Variants in SHANK2 observed in about 807,000 individuals in gnomAD.
The protein encoded by SHANK2 is SH3 and multiple ankyrin repeat domains 2.
Under a neutral mutation model 133.7 loss-of-function variants are expected in SHANK2, and 43 were observed. The ratio of observed to expected loss-of-function variants is 0.32; its 90% confidence interval spans 0.25 to 0.41. The LOEUF is 0.41. SHANK2 is among the 10% of genes least tolerant of loss of function. The pLI, the probability that SHANK2 is intolerant of heterozygous loss-of-function variation, is 1.00. For missense variants in SHANK2, 1,994 were observed against 2,235.8 expected (o/e 0.89, Z 2.18); for synonymous variants, 1,017 against 952.8 (o/e 1.07, Z -1.24).
At chr11:71,142,914 C>G (rs1952583728) in intron 3 of SHANK2, among the ~76,000 whole-genome samples, 1 of 152,104 alleles carries the variant, frequency 6.6e-6, no homozygotes, top group South Asian at 2.1e-4. Flanking sequence ...AAACAACATC[C>G]CCACAGACGG....
rs1198592822 is a variant in SHANK2 at position 70,807,906 on chromosome 11, GAC to G, written c.1494-737_1494-736del. On this transcript the variant is annotated intron_variant, in intron 12 of 25. Coordinates refer to ENST00000601538, the MANE Select transcript of SHANK2 (RefSeq NM_012309.5). The surrounding 1 kb of genome is among the most constrained non-coding windows in gnomAD (Gnocchi z 4.8). ...GGACACTGCTCAGTGAGATACACCA[GAC>G]ACAAAAGAACACAGACTGTGTGATC... Among the ~76,000 whole-genome samples, 3 of 152,260 alleles carry G rather than the reference GAC, an allele frequency of 2.0e-5. No homozygotes were observed. Among genetic ancestry groups the G allele is most frequent in the Non-Finnish European group, 4.4e-5 (3 of 68,024 alleles).
At chr11:70,755,292 G>A (rs1001474421) in intron 14 of SHANK2, among the ~76,000 whole-genome samples, 2 of 152,124 alleles carry the variant, frequency 1.3e-5, no homozygotes, top group Admixed American at 1.3e-4. Context: ...GGCTGGTCTC[G>A]AACTCCTGAC....
intron 17 of SHANK2, among the ~76,000 whole-genome samples, chr11:70,651,041 G>C (rs1394565472): frequency 6.6e-6 from 1 of 152,182 alleles, no homozygotes; most frequent in Admixed American, 6.5e-5. Context: ...CTGAGGCCAA[G>C]AAATGAGCAA....
At position 70,505,583 on chromosome 11, in the gene SHANK2, C is replaced by G. The variant is rs80189919; in HGVS notation, c.2062-2652G>C. ...CTGGGACCAGCTTTCCTGCTCTGGG[C>G]GGGCCCCCAGTGCCGGGCCTTGAGG... is the stretch of plus-strand genomic sequence containing the variant. On this transcript the variant is annotated intron_variant, in intron 17 of 25. Transcript: ENST00000601538. Among the ~76,000 whole-genome samples the G allele has an allele frequency of 1.2e-4, 18 of 152,218 alleles. No homozygotes were observed. In the East Asian group the frequency reaches 3.3e-3, roughly 28 times the overall value.
chr11:71,206,161 A>G (rs914398337), intron 2 of SHANK2, among the ~76,000 whole-genome samples: 1 of 152,200 alleles, frequency 6.6e-6, no homozygotes, highest in Non-Finnish European at 1.5e-5. Context: ...TGGAAGAAGA[A>G]GGATGCTAGT....
chr11:71,179,687 T>C (rs923289750), intron 2 of SHANK2, among the ~76,000 whole-genome samples: 7 of 152,164 alleles, frequency 4.6e-5, no homozygotes, highest in East Asian at 1.9e-4. Context: ...AGAAAATCCA[T>C]TGGAATCCTT....
chr11:70,703,694 G>C (rs1045352787), intron 14 of SHANK2, among the ~76,000 whole-genome samples: 1 of 152,234 alleles, frequency 6.6e-6, no homozygotes, highest in African/African-American at 2.4e-5. Context: ...CTGTGCACCA[G>C]TGACAACAAA....
At chr11:70,773,837 C>T (rs971752981) in intron 14 of SHANK2, among the ~76,000 whole-genome samples, 21 of 152,234 alleles carry the variant, frequency 1.4e-4, no homozygotes, top group Admixed American at 7.2e-4. Flanking sequence ...TAGGTGTTGG[C>T]GAAGATGATG....
At chr11:70,573,218 T>G (rs1240058122) in intron 17 of SHANK2, among the ~76,000 whole-genome samples, 1 of 137,672 alleles carries the variant, frequency 7.3e-6, no homozygotes, top group Non-Finnish European at 1.5e-5. Flanking sequence ...GGGCGGTCAC[T>G]GCAGCGGTGG....
rs1433064433 is a variant in SHANK2 at position 71,118,871 on chromosome 11, G to A, written c.369C>T (p.Arg123=). The change falls in exon 4 of 26, where the codon CGC becomes CGT. Residue 123 remains arginine (R), a synonymous_variant. Transcript: ENST00000601538. ...GKFLDEERLL[R]EYPQPVGEGV... is the part of the protein sequence containing the mutation. ...CCTCACCCACGGGCTGTGGGTACTCGCGCAGGAGCCGCTCCTCATCCAGGA... is the reference window on the plus strand; with the variant it reads ...CCTCACCCACGGGCTGTGGGTACTCACGCAGGAGCCGCTCCTCATCCAGGA... 1.2e-5 allele frequency: 19 copies of A among 1,551,556 alleles called. No homozygotes were observed. Among genetic ancestry groups the A allele is most frequent in the Admixed American group, 5.9e-5 (3 of 50,988 alleles).
At chr11:71,146,110 C>T (rs1300106532) in intron 3 of SHANK2, among the ~76,000 whole-genome samples, 3 of 152,204 alleles carry the variant, frequency 2.0e-5, no homozygotes, top group African/African-American at 4.8e-5. Flanking sequence ...GGACAGACGG[C>T]GTGTGAAATG....
At chr11:71,116,727 G>A (rs537759373) in intron 4 of SHANK2, among the ~76,000 whole-genome samples, 2 of 152,320 alleles carry the variant, frequency 1.3e-5, no homozygotes, top group African/African-American at 2.4e-5. Flanking sequence ...GCGGGGCCAG[G>A]TGGGAGGTCT....
At chr11:70,925,979 T>A (rs1341381963) in intron 10 of SHANK2, among the ~76,000 whole-genome samples, 1 of 152,168 alleles carries the variant, frequency 6.6e-6, no homozygotes, top group South Asian at 2.1e-4. Flanking sequence ...TGTTGACTCA[T>A]TAACATTGTA....
rs190123494 is a variant in SHANK2 at position 71,092,269 on chromosome 11, T to C, written c.912+153A>G. ...TGACGTTCACATTTTAAAATCATTT[T>C]TAATTCACATATTTTCAGGAACTCT... On this transcript the variant is annotated intron_variant, in intron 8 of 25. Coordinates refer to ENST00000601538, the MANE Select transcript of SHANK2 (RefSeq NM_012309.5). Among the ~76,000 whole-genome samples, 451 of 152,342 alleles carry C rather than the reference T, an allele frequency of 3.0e-3. 1 individual carries two copies. Among genetic ancestry groups the C allele is most frequent in the South Asian group, 3.5e-3 (17 of 4,828 alleles).
intron 10 of SHANK2, among the ~76,000 whole-genome samples, chr11:70,953,955 G>A (rs2135908314): frequency 6.6e-6 from 1 of 152,314 alleles, no homozygotes; most frequent in East Asian, 1.9e-4. Context: ...TGCACCTCTA[G>A]GAGAGCCGTG....
intron 25 of SHANK2, among the ~76,000 whole-genome samples, chr11:70,481,305 T>C (rs1307129789): frequency 6.6e-6 from 1 of 152,258 alleles, no homozygotes; most frequent in Non-Finnish European, 1.5e-5. Context: ...CATGTCATCC[T>C]TGATTTCAGG....
chr11:71,158,367 T>C (rs1254534315), intron 2 of SHANK2, among the ~76,000 whole-genome samples: 5 of 151,902 alleles, frequency 3.3e-5, no homozygotes, highest in African/African-American at 1.2e-4. Context: ...CCACCAACAA[T>C]AACCAAAGTC....
chr11:70,633,117 A>C (rs151210051), intron 17 of SHANK2, among the ~76,000 whole-genome samples: 234 of 151,638 alleles, frequency 1.5e-3, no homozygotes, highest in African/African-American at 5.5e-3. Context: ...GACACGTTGA[A>C]TATATAAATA....
intron 3 of SHANK2, among the ~76,000 whole-genome samples, chr11:71,145,524 A>G (rs1952627070): frequency 6.6e-6 from 1 of 152,184 alleles, no homozygotes; most frequent in African/African-American, 2.4e-5. Flanking sequence ...TCTCAGAGGG[A>G]GCAGGGCTGG....
Sources: allele counts gnomAD v4.1 joint callset (sites outside exome capture counted in the v4.1 genomes callset), GRCh38; gene constraint gnomAD v4.1.1; non-coding constraint Gnocchi (gnomAD v3.1); transcripts MANE v1.5; gene names NCBI Gene and HGNC (gene_info 2026-07-23, HGNC 2026-07-21).